Variants in LBP observed in about 807,000 individuals in gnomAD.
The protein encoded by LBP is lipopolysaccharide binding protein.
A neutral mutation model predicts 56.6 loss-of-function variants in LBP; 53 were observed. The ratio of observed to expected loss-of-function variants is 0.94; its 90% CI spans 0.75 to 1.18. LBP has a LOEUF of 1.18. Among genes scored for constraint, LBP ranks in the 50% most tolerant of loss-of-function variants. The probability of loss-of-function intolerance (pLI) is 0.00; values close to 1 mark genes in which losing one functional copy is unlikely to be tolerated. For synonymous variants in LBP, 227 were observed against 247.5 expected, an observed-to-expected ratio of 0.92 and a Z score of 0.78; for missense variants, 601 against 598.3, an observed-to-expected ratio of 1.00 and a Z score of -0.05.
intron 5 of LBP, among the ~76,000 whole-genome samples, chr20:38,357,276 T>C (rs1206517191): frequency 6.6e-6 from 1 of 152,168 alleles, no homozygotes; most frequent in Non-Finnish European, 1.5e-5. Context: ...TGAATCAGGA[T>C]TGGAGCTTCC....
chr20:38,363,212 T>C (rs1237778633), intron 6 of LBP, among the ~76,000 whole-genome samples: 1 of 152,178 alleles, frequency 6.6e-6, no homozygotes. Flanking sequence ...CGTCATATCA[T>C]GTGATATGCC....
At chr20:38,365,574 G>A (rs528068298) in intron 8 of LBP, among the ~76,000 whole-genome samples, 1 of 151,748 alleles carries the variant, frequency 6.6e-6, no homozygotes, top group South Asian at 2.1e-4. Context: ...GCACATGCCT[G>A]TAGTTCCAGC....
chr20:38,350,787 C>G (rs769041544), intron 2 of LBP, 24 bp from the exon 3 acceptor site: 33 of 1,591,738 alleles, frequency 2.1e-5, no homozygotes. Flanking sequence ...GGGCTGACAC[C>G]TCCTTCCATG....
At chr20:38,355,059 G>A (rs2076833870) in intron 4 of LBP, among the ~76,000 whole-genome samples, 1 of 152,184 alleles carries the variant, frequency 6.6e-6, no homozygotes, top group Admixed American at 6.5e-5. Flanking sequence ...TCCAGCCTGG[G>A]TGACAAGGTG....
intron 5 of LBP, among the ~76,000 whole-genome samples, chr20:38,356,928 TC>T (rs1356639781): frequency 2.0e-5 from 3 of 152,030 alleles, no homozygotes; most frequent in African/African-American, 7.2e-5. Flanking sequence ...CGACCTTGGC[TC>T]ACTGCAACCT....
intron 2 of LBP, 25 bp downstream of exon 2, chr20:38,349,687 C>T (rs1417006629): frequency 6.6e-7 from 1 of 1,506,788 alleles, no homozygotes; most frequent in Non-Finnish European, 9.1e-7. Flanking sequence ...TCTGCTGCGG[C>T]TCTGAAGTGG....
rs201865915 is a variant in LBP, at chr20:38,346,668, T to G, written c.124+28T>G. The G allele has an allele frequency of 5.2e-4, 836 of 1,612,412 alleles. 4 individuals are homozygous for G. The African/African-American group carries it at 6.8e-3, about 13-fold the overall frequency. On this transcript the variant is annotated intron_variant, in intron 1 of 14. Coordinates refer to ENST00000217407, the MANE Select transcript of LBP (RefSeq NM_004139.5). ...AAGAAGCCACATCTGCTGGCTGGACTTGGCAAACCCACGCTCCAGGCTGCT... is the reference window on the plus strand; with the variant it reads ...AAGAAGCCACATCTGCTGGCTGGACGTGGCAAACCCACGCTCCAGGCTGCT...
intron 12 of LBP, among the ~76,000 whole-genome samples, 196 bp downstream of exon 12, chr20:38,371,518 A>C (rs906447762): frequency 1.3e-5 from 2 of 152,198 alleles, no homozygotes; most frequent in African/African-American, 4.8e-5. Context: ...AACAATATAT[A>C]ATTAAGTCAT....
intron 10 of LBP, among the ~76,000 whole-genome samples, chr20:38,370,342 C>T (rs759637408): frequency 5.3e-5 from 8 of 152,124 alleles, no homozygotes; most frequent in African/African-American, 1.4e-4. Context: ...CACCACTGCA[C>T]TCCAGCTGGG....
intron 4 of LBP, among the ~76,000 whole-genome samples, chr20:38,355,112 G>A (rs903646928): frequency 3.3e-5 from 5 of 152,154 alleles, no homozygotes; most frequent in Non-Finnish European, 7.3e-5. Flanking sequence ...AGAAAAATGT[G>A]GATTCTCAAG....
Position 38,354,586 on chromosome 20 carries a change from T to C in LBP, c.524+147T>C, listed in dbSNP as rs533547555. The C allele has an allele frequency of 4.7e-5, 29 of 620,798 alleles. No individual in the cohort carries two copies. In the South Asian group the frequency reaches 7.3e-4, roughly 16 times the overall value. The allele number at this position is 620,798 out of a possible 1,614,324, so 38.5% of individuals were successfully genotyped here. ...CATTCTCTGGGGAACCCTGTTGAGA[T>C]GAACAGACTTAAGCCAGGAATATTG... On this transcript the variant is annotated intron_variant, in intron 4 of 14. Coordinates refer to ENST00000217407, the MANE Select transcript of LBP (RefSeq NM_004139.5).
At chr20:38,375,955 C>T (rs893310064) in intron 14 of LBP, among the ~76,000 whole-genome samples, 2 of 152,198 alleles carry the variant, frequency 1.3e-5, no homozygotes, top group African/African-American at 2.4e-5. Flanking sequence ...CTTAACTGCT[C>T]TTGAGCATTT....
intron 14 of LBP, 90 bp from the exon 15 acceptor site, chr20:38,376,535 C>A: frequency 8.4e-7 from 1 of 1,185,660 alleles, no homozygotes; most frequent in Non-Finnish European, 1.3e-6. Context: ...GCTTGTGTTT[C>A]GTGAGACGTG....
In LBP at chr20:38,366,826, C is replaced by T. The variant is rs774861227; in HGVS notation, c.979C>T (p.Arg327Trp). The T allele has an allele frequency of 5.3e-5, 85 of 1,613,784 alleles. No individual in the cohort carries two copies. The highest frequency in any genetic ancestry group is 1.6e-4 in the Middle Eastern group (1 of 6,084). ...CAAGTCCTTCCGACCCTTCGTCCCA[C>T]GGGTAAGGAGTCCCTTAGTTCCCCA... The part of the protein sequence containing the change: ...TTKSFRPFVP[R>W]LARLYPNMNL... The change falls in exon 9 of 15, where the codon CGG (arginine) becomes TGG (tryptophan). Residue 327 changes from arginine (R) to tryptophan (W), a missense_variant and splice_region_variant. Arg to Trp is a moderately radical substitution (Grantham distance 101). Coordinates refer to ENST00000217407, the MANE Select transcript of LBP (RefSeq NM_004139.5).
chr20:38,374,950 A>ATTTTTTTTTTT (rs370110558), intron 14 of LBP, among the ~76,000 whole-genome samples: 107 of 127,124 alleles, frequency 8.4e-4, no homozygotes, highest in Non-Finnish European at 1.2e-3. Context: ...CTCCCAGCTA[A>ATTTTTTTTTTT]TTTTTTTTTT....
chr20:38,367,843 A>G (rs989419064), intron 9 of LBP, among the ~76,000 whole-genome samples: 2 of 152,138 alleles, frequency 1.3e-5, no homozygotes, highest in South Asian at 2.1e-4. Context: ...TCTTGCCCCA[A>G]ATTAAACTCT....
chr20:38,364,158 C>T (rs2122615260), intron 7 of LBP, 92 bp downstream of exon 7: 2 of 823,754 alleles, frequency 2.4e-6, no homozygotes, highest in South Asian at 1.5e-5. Context: ...TCAGATCTGT[C>T]CTCATCCTCC....
Position 38,369,120 on chromosome 20 carries a change from C to G in LBP, c.1107C>G (p.Leu369=), listed in dbSNP as rs2076892633. 4.3e-6 allele frequency: 7 copies of G among 1,614,158 alleles called. No homozygotes were observed. The highest frequency in any genetic ancestry group is 5.9e-6 in the Non-Finnish European group (7 of 1,180,030). ...DPYMEIDAFV[L]LPSSSKEPVF... ...ATATGGAGATAGATGCCTTTGTGCTCCTGCCCAGCTCCAGCAAGGAGCCTG... is the reference window on the plus strand; with the variant it reads ...ATATGGAGATAGATGCCTTTGTGCTGCTGCCCAGCTCCAGCAAGGAGCCTG... Residue 369 remains leucine, a synonymous_variant, in exon 10 of 15, where the codon CTC becomes CTG. Coordinates refer to ENST00000217407, the MANE Select transcript of LBP (RefSeq NM_004139.5).
At chr20:38,376,182 G>C (rs905852214) in intron 14 of LBP, among the ~76,000 whole-genome samples, 1 of 152,208 alleles carries the variant, frequency 6.6e-6, no homozygotes, top group East Asian at 1.9e-4. Context: ...GAATTTTGAG[G>C]TCAACTCTGC....
Sources: gnomAD v4.1 joint callset for allele counts (sites outside exome capture counted in the v4.1 genomes callset) on GRCh38, gnomAD v4.1.1 for gene constraint, MANE v1.5 for transcripts, NCBI Gene and HGNC (gene_info 2026-07-23, HGNC 2026-07-21) for gene names.